EPB41L3: variants seen among roughly 807,000 people sequenced by gnomAD.
The protein encoded by EPB41L3 is band 4.1-like protein 3.
In EPB41L3, 57 loss-of-function variants were observed where a neutral mutation model predicts 127.1. That is an observed-to-expected ratio of 0.45 (90% confidence interval 0.36 to 0.56). EPB41L3 has a LOEUF of 0.56. Among genes scored for constraint, EPB41L3 ranks in the 20% least tolerant of loss-of-function variants. The probability of loss-of-function intolerance (pLI) is 0.00; values close to 1 mark genes in which losing one functional copy is unlikely to be tolerated. For missense variants in EPB41L3, 1,273 were observed against 1,372.2 expected (o/e 0.93, Z 1.14); for synonymous variants, 572 against 549.5 (o/e 1.04, Z -0.57).
intron 3 of EPB41L3, among the ~76,000 whole-genome samples, chr18:5,566,732 CTATTCTATTCTATTCTATTCTATTCT>C (rs2094205179): frequency 1.2e-5 from 1 of 84,320 alleles, no homozygotes; most frequent in African/African-American, 4.3e-5. Context: ...CCATTCTATT[CTATTCTATTCTATTCTATTCTATTCT>C]ATTCTATTCT....
chr18:5,551,653 G>A (rs1785389), intron 3 of EPB41L3, among the ~76,000 whole-genome samples: 35,570 of 151,772 alleles, frequency 0.23, 5,681 homozygotes, highest in African/African-American at 0.46. Context: ...CTGGGAGATT[G>A]AGGCTGCAGT....
intron 3 of EPB41L3, among the ~76,000 whole-genome samples, chr18:5,454,331 T>C (rs1185412430): frequency 1.3e-5 from 2 of 151,990 alleles, no homozygotes; most frequent in Non-Finnish European, 2.9e-5. Flanking sequence ...TAGAAAGGGC[T>C]GGAGCTGGGA....
chr18:5,495,142 G>A (rs139309419), intron 1 of EPB41L3, among the ~76,000 whole-genome samples: 6 of 152,296 alleles, frequency 3.9e-5, no homozygotes, highest in Admixed American at 1.3e-4. Context: ...GGACAATTCT[G>A]ATGGTTTGTA....
At chr18:5,553,357 A>T (rs2093990681) in intron 3 of EPB41L3, among the ~76,000 whole-genome samples, 2 of 152,164 alleles carry the variant, frequency 1.3e-5, no homozygotes. Context: ...AAACTGAGGC[A>T]AATGAGAGGT....
At chr18:5,437,811 G>C (rs1396349313) in intron 6 of EPB41L3, among the ~76,000 whole-genome samples, 2 of 152,150 alleles carry the variant, frequency 1.3e-5, no homozygotes, top group Non-Finnish European at 2.9e-5. Context: ...TCCCACCAGG[G>C]TCAAGCAGAG....
intron 1 of EPB41L3, among the ~76,000 whole-genome samples, chr18:5,503,135 C>G (rs1260994794): frequency 6.6e-6 from 1 of 152,134 alleles, no homozygotes; most frequent in Non-Finnish European, 1.5e-5. Flanking sequence ...GAATAGTAGT[C>G]AAATTATATT....
At chr18:5,599,429 C>T (rs547413681) in intron 3 of EPB41L3, among the ~76,000 whole-genome samples, 1 of 152,190 alleles carries the variant, frequency 6.6e-6, no homozygotes, top group East Asian at 1.9e-4. Context: ...CACCTCAGAC[C>T]AGTATTTAGT....
chr18:5,590,170 C>T (rs566700321), intron 3 of EPB41L3, among the ~76,000 whole-genome samples: 1 of 152,110 alleles, frequency 6.6e-6, no homozygotes, highest in South Asian at 2.1e-4. Context: ...TTCCCCATCC[C>T]CTTCGCTTTG....
chr18:5,566,815 A>C (rs536158948), intron 3 of EPB41L3, among the ~76,000 whole-genome samples: 2 of 110,430 alleles, frequency 1.8e-5, no homozygotes, highest in East Asian at 5.7e-4. Flanking sequence ...TTCTAATTTT[A>C]TTTTTTTGGA....
intron 16 of EPB41L3, among the ~76,000 whole-genome samples, chr18:5,404,757 CTGTTT>C (rs946271026): frequency 2.0e-5 from 3 of 152,130 alleles, no homozygotes; most frequent in African/African-American, 4.8e-5. Flanking sequence ...TAGTTTTGCT[CTGTTT>C]TGTTTTGTTT....
chr18:5,505,239 A>C (rs952264214), intron 1 of EPB41L3, among the ~76,000 whole-genome samples: 14 of 152,164 alleles, frequency 9.2e-5, no homozygotes, highest in African/African-American at 3.4e-4. Flanking sequence ...GGCATCCCTG[A>C]GTCTTCCAGA....
At chr18:5,540,626 G>T (rs765318568) in intron 1 of EPB41L3, 105 of 840,602 alleles carry the variant, frequency 1.2e-4, no homozygotes, top group East Asian at 2.5e-4. Flanking sequence ...CCGTTTGAAA[G>T]AAATAGATGC....
At chr18:5,528,346 A>T (rs1719957) in intron 1 of EPB41L3, among the ~76,000 whole-genome samples, 30,687 of 151,254 alleles carry the variant, frequency 0.2, 3,288 homozygotes, top group African/African-American at 0.26. Context: ...TAATTTTTTT[A>T]AAAAATTTTT....
intron 1 of EPB41L3, among the ~76,000 whole-genome samples, chr18:5,515,432 G>A (rs1470384405): frequency 1.3e-5 from 2 of 152,150 alleles, no homozygotes; most frequent in East Asian, 3.8e-4. Flanking sequence ...TCAGTCATAT[G>A]GGAAAGGAAT....
chr18:5,396,108 T>G (rs773650513), intron 19 of EPB41L3, 93 bp downstream of exon 19: 14 of 1,472,832 alleles, frequency 9.5e-6, no homozygotes, highest in African/African-American at 1.4e-5. Flanking sequence ...CTAAGTCTCA[T>G]GAATTAAATA....
chr18:5,436,697 C>T lies in EPB41L3; in HGVS notation c.605+1338G>A, dbSNP rs1038371096. ...TGCTGGGATTACAGGCGTGCGCCAC[C>T]GTGCCTGGCCCACCATGAACTACAT... On this transcript the variant is annotated intron_variant, in intron 6 of 22. Transcript: ENST00000341928. Among the ~76,000 whole-genome samples the T allele has an allele frequency of 1.5e-4, 23 of 152,240 alleles. No individual in the cohort carries two copies. The South Asian group carries it at 2.5e-3, about 16-fold the overall frequency.
At chr18:5,618,415 A>G (rs1395728298) in intron 1 of EPB41L3, among the ~76,000 whole-genome samples, 1 of 152,242 alleles carries the variant, frequency 6.6e-6, no homozygotes, top group African/African-American at 2.4e-5. Context: ...GAAATGTAAA[A>G]AAGTTAATGT....
chr18:5,556,616 C>T (rs1342153679), intron 3 of EPB41L3, among the ~76,000 whole-genome samples: 2 of 152,106 alleles, frequency 1.3e-5, no homozygotes, highest in Non-Finnish European at 2.9e-5. Context: ...GAAAAATAAG[C>T]GACATTTGTA....
intron 13 of EPB41L3, among the ~76,000 whole-genome samples, chr18:5,413,916 A>G (rs2076489953): frequency 6.6e-6 from 1 of 152,252 alleles, no homozygotes; most frequent in Non-Finnish European, 1.5e-5. Context: ...TTGTTTTGCC[A>G]ATGTAATGCA....
Sources: allele counts gnomAD v4.1 joint callset (sites outside exome capture counted in the v4.1 genomes callset), GRCh38; gene constraint gnomAD v4.1.1; transcripts MANE v1.5; gene names NCBI Gene and HGNC (gene_info 2026-07-23, HGNC 2026-07-21).